Variants in MMP26 observed in about 807,000 individuals in gnomAD.
MMP26 encodes matrix metalloproteinase-26.
MMP26 carries 33 observed loss-of-function variants against 31.0 expected under a neutral mutation model. The observed-to-expected ratio is 1.06, with a 90% CI of 0.81 to 1.42. The LOEUF is 1.42. MMP26 is among the 40% of genes most tolerant of loss of function. The pLI is 0.00. For missense variants in MMP26, 347 were observed against 316.1 expected (o/e 1.10, Z -0.74); for synonymous variants, 122 against 114.9 (o/e 1.06, Z -0.40).
At chr11:4,768,940 C>T (rs1848667038) in intron 2 of MMP26, 1 of 1,383,222 alleles carries the variant, frequency 7.2e-7, no homozygotes, top group African/African-American at 1.4e-5. Context: ...CAGTGCAAGT[C>T]ATTCATGCCA....
chr11:4,823,383 C>T (rs768058663), intron 2 of MMP26, among the ~76,000 whole-genome samples: 1 of 152,156 alleles, frequency 6.6e-6, no homozygotes, highest in Non-Finnish European at 1.5e-5. Context: ...AGACTTCAGA[C>T]AACTTCTCCC....
At chr11:4,874,982 T>A (rs1850360061) in intron 2 of MMP26, among the ~76,000 whole-genome samples, 1 of 152,084 alleles carries the variant, frequency 6.6e-6, no homozygotes, top group African/African-American at 2.4e-5. Context: ...ATGGGTCTTC[T>A]CTATGGAGAA....
chr11:4,918,176 G>A (rs1180540401), intron 2 of MMP26, among the ~76,000 whole-genome samples: 2 of 152,020 alleles, frequency 1.3e-5, no homozygotes, highest in African/African-American at 2.4e-5. Context: ...CTAGAATCAC[G>A]CAGCCAGTCA....
chr11:4,920,861 A>G (rs1350422902), intron 2 of MMP26, among the ~76,000 whole-genome samples: 1 of 152,222 alleles, frequency 6.6e-6, no homozygotes, highest in Non-Finnish European at 1.5e-5. Flanking sequence ...TAAAAAGTAT[A>G]CTTTAATTCA....
At chr11:4,834,820 G>A (rs1849693836) in intron 2 of MMP26, among the ~76,000 whole-genome samples, 2 of 152,156 alleles carry the variant, frequency 1.3e-5, no homozygotes, top group South Asian at 4.2e-4. Context: ...AAGTTAATGT[G>A]TTTAAAAGCT....
chr11:4,971,904 A>G (rs1358654030), intron 2 of MMP26, among the ~76,000 whole-genome samples: 1 of 152,182 alleles, frequency 6.6e-6, no homozygotes, highest in East Asian at 1.9e-4. Context: ...CAGATCTCAC[A>G]GGAACATAGA....
chr11:4,743,258 T>C (rs1848338064), intron 1 of MMP26, among the ~76,000 whole-genome samples: 1 of 152,212 alleles, frequency 6.6e-6, no homozygotes. Flanking sequence ...ACTTGACACT[T>C]GATAGGCTTA....
chr11:4,781,203 G>A (rs534485191), intron 2 of MMP26, among the ~76,000 whole-genome samples: 4 of 152,234 alleles, frequency 2.6e-5, no homozygotes, highest in South Asian at 4.1e-4. Flanking sequence ...ATGGTTGTAC[G>A]ACTGCATAAA....
Position 4,782,486 on chromosome 11 carries a change from T to C in MMP26, c.-145+15145T>C, listed in dbSNP as rs768851842. Reference sequence around the variant, plus strand: ...GGAGACTTGGGTGCTGCTGAAGGCATTCAATTTTAAAAGGGAAACAAAGCA... The same window carrying C: ...GGAGACTTGGGTGCTGCTGAAGGCACTCAATTTTAAAAGGGAAACAAAGCA... On this transcript the variant is annotated intron_variant, in intron 2 of 7. Coordinates refer to ENST00000380390, the MANE Select transcript of MMP26 (RefSeq NM_021801.5). Among the ~76,000 whole-genome samples the C allele has an allele frequency of 5.9e-5, 9 of 152,266 alleles. No individual in the cohort carries two copies. In the South Asian group the frequency reaches 1.5e-3, roughly 25 times the overall value.
At chr11:4,722,684 G>T (rs1848030809) in intron 1 of MMP26, 2 of 721,852 alleles carry the variant, frequency 2.8e-6, no homozygotes, top group African/African-American at 3.4e-5. Context: ...TCCCTCCTGT[G>T]CTTTCCCGCA....
chr11:4,785,286 C>G (rs1367346669), intron 2 of MMP26, among the ~76,000 whole-genome samples: 1 of 152,184 alleles, frequency 6.6e-6, no homozygotes, highest in Admixed American at 6.5e-5. Context: ...TATTTATCCT[C>G]TCTCTTAAGT....
chr11:4,821,692 G>A (rs1849503441), intron 2 of MMP26: 1 of 1,613,844 alleles, frequency 6.2e-7, no homozygotes, highest in South Asian at 1.1e-5. Context: ...CTGGTTTGAA[G>A]CCCGAGAAAT....
intron 1 of MMP26, among the ~76,000 whole-genome samples, chr11:4,714,115 C>A (rs775690312): frequency 1.4e-4 from 22 of 152,116 alleles, no homozygotes; most frequent in Non-Finnish European, 2.5e-4. Flanking sequence ...CAGGAAAGAA[C>A]ACATCCTTAT....
chr11:4,707,483 A>T (rs1181170966), intron 1 of MMP26, among the ~76,000 whole-genome samples: 1 of 152,208 alleles, frequency 6.6e-6, no homozygotes, highest in Non-Finnish European at 1.5e-5. Flanking sequence ...TAATAAAAAG[A>T]ACATTAAATT....
At chr11:4,870,370 T>A (rs1371999428) in intron 2 of MMP26, among the ~76,000 whole-genome samples, 1 of 152,134 alleles carries the variant, frequency 6.6e-6, no homozygotes, top group African/African-American at 2.4e-5. Flanking sequence ...GTCTATACCA[T>A]GTAGGTAGAA....
intron 1 of MMP26, among the ~76,000 whole-genome samples, chr11:4,728,253 G>GA (rs556189348): frequency 5.5e-4 from 84 of 152,296 alleles, no homozygotes; most frequent in African/African-American, 1.9e-3. Context: ...AATCCAAGAA[G>GA]AAATTAAAAC....
chr11:4,737,533 C>T (rs1383537325), intron 1 of MMP26, among the ~76,000 whole-genome samples: 3 of 152,208 alleles, frequency 2.0e-5, no homozygotes, highest in South Asian at 2.1e-4. Context: ...ATCCCAGCTA[C>T]TTGGGAGGCT....
intron 1 of MMP26, among the ~76,000 whole-genome samples, chr11:4,738,497 A>C (rs1848271057): frequency 6.6e-6 from 1 of 152,200 alleles, no homozygotes; most frequent in African/African-American, 2.4e-5. Flanking sequence ...AAATTTGTCC[A>C]TCTACAGGGC....
At chr11:4,830,847 G>A (rs887475002) in intron 2 of MMP26, among the ~76,000 whole-genome samples, 1 of 151,754 alleles carries the variant, frequency 6.6e-6, no homozygotes, top group African/African-American at 2.4e-5. Context: ...ACACACAGAA[G>A]CCAAGTGCAA....
Sources: gnomAD v4.1 joint callset for allele counts (sites outside exome capture counted in the v4.1 genomes callset) on GRCh38, gnomAD v4.1.1 for gene constraint, MANE v1.5 for transcripts, NCBI Gene and HGNC (gene_info 2026-07-23, HGNC 2026-07-21) for gene names.